The following TBC1D1 variants were observed in gnomAD, a reference collection of about 807,000 sequenced individuals.
TBC1D1 encodes TBC1 domain family member 1, also known as TBC1 (tre-2/USP6, BUB2, cdc16) domain family, member 1.
TBC1D1 carries 89 observed loss-of-function variants against 125.6 expected under a neutral mutation model. The observed-to-expected ratio is 0.71, with a 90% CI of 0.60 to 0.85. The LOEUF (loss-of-function observed/expected upper bound fraction) is 0.85, where lower values mean the gene tolerates loss of function less well. TBC1D1 is among the 40% of genes least tolerant of loss of function. The probability of loss-of-function intolerance (pLI) is 0.00; values close to 1 mark genes in which losing one functional copy is unlikely to be tolerated. For synonymous variants in TBC1D1, 565 were observed against 564.1 expected (o/e 1.00, Z -0.02); for missense variants, 1,377 against 1,469.2 (o/e 0.94, Z 1.03).
intron 2 of TBC1D1, among the ~76,000 whole-genome samples, chr4:37,948,700 C>A (rs1727236264): frequency 6.6e-6 from 1 of 152,056 alleles, no homozygotes; most frequent in Admixed American, 6.5e-5. Flanking sequence ...GGTTGTGCAA[C>A]CATCACCACA....
chr4:38,110,149 G>A (rs1232296919), intron 15 of TBC1D1: 16 of 963,752 alleles, frequency 1.7e-5, no homozygotes, highest in African/African-American at 3.5e-5. Flanking sequence ...AAACAGAGCC[G>A]AGATATCAGG....
At chr4:38,054,495 A>G (rs1358342270) in intron 12 of TBC1D1, among the ~76,000 whole-genome samples, 157 bp downstream of exon 14, 2 of 152,122 alleles carry the variant, frequency 1.3e-5, no homozygotes, top group African/African-American at 4.8e-5. Flanking sequence ...TTTAGAGGTT[A>G]CCCTCCATTT....
At chr4:38,136,112 G>A (rs576958224) in intron 19 of TBC1D1, among the ~76,000 whole-genome samples, 1 of 152,266 alleles carries the variant, frequency 6.6e-6, no homozygotes, top group East Asian at 1.9e-4. Flanking sequence ...ATACATGTTG[G>A]AGTTTCTGCA....
Position 38,009,090 on chromosome 4 carries a change from A to G in TBC1D1, c.418-5419A>G, listed in dbSNP as rs963868110. On this transcript the variant is annotated intron_variant, in intron 2 of 19. Transcript: ENST00000261439. ...TTGCATGAAATTTAAGGCATGTAAGATAGAGTGAGGAAATACTTGGTTTAA... is the reference window on the plus strand; with the variant it reads ...TTGCATGAAATTTAAGGCATGTAAGGTAGAGTGAGGAAATACTTGGTTTAA... 2.0e-5 allele frequency among the ~76,000 whole-genome samples: 3 copies of G among 152,242 alleles called. No individual in the cohort carries two copies. In the East Asian group the frequency reaches 5.8e-4, roughly 29 times the overall value.
chr4:38,096,677 AAACTGTT>A (rs887647991), intron 14 of TBC1D1, among the ~76,000 whole-genome samples: 2 of 152,246 alleles, frequency 1.3e-5, no homozygotes, highest in Admixed American at 1.3e-4. Context: ...CTGCCAGCCC[AAACTGTT>A]ACTGGTCCAA....
chr4:37,979,549 C>T (rs1733928554), intron 2 of TBC1D1, among the ~76,000 whole-genome samples: 1 of 152,186 alleles, frequency 6.6e-6, no homozygotes, highest in Non-Finnish European at 1.5e-5. Flanking sequence ...ATAATGTACA[C>T]AATGTGAATA....
Position 37,999,376 on chromosome 4 carries a change from C to T in TBC1D1, c.418-15133C>T, listed in dbSNP as rs192740930. ...GTATTTTCAAGTAAATATATTTAAT[C>T]GAAGTGAATTACTGTTACATTATGA... On this transcript the variant is annotated intron_variant, in intron 2 of 19. Coordinates refer to ENST00000261439, the MANE Select transcript of TBC1D1 (RefSeq NM_015173.4). Among the ~76,000 whole-genome samples the T allele has an allele frequency of 2.6e-5, 4 of 152,200 alleles. No individual in the cohort carries two copies. In the East Asian group the frequency reaches 7.7e-4, roughly 29 times the overall value.
intron 12 of TBC1D1, among the ~76,000 whole-genome samples, chr4:38,061,440 A>G (rs941980707): frequency 9.8e-5 from 15 of 152,312 alleles, no homozygotes; most frequent in African/African-American, 3.6e-4. Context: ...AACGGGGAAA[A>G]ATCATTTTAT....
chr4:38,056,711 G>T (rs982229141), intron 12 of TBC1D1, among the ~76,000 whole-genome samples: 1 of 152,314 alleles, frequency 6.6e-6, no homozygotes, highest in East Asian at 1.9e-4. Context: ...GGGAGACTGA[G>T]GCAGGAGGAT....
chr4:37,913,930 G>A (rs2152258409), intron 2 of TBC1D1, among the ~76,000 whole-genome samples: 1 of 152,062 alleles, frequency 6.6e-6, no homozygotes, highest in Admixed American at 6.6e-5. Context: ...CTTCTCAGTA[G>A]CTTTTGTCAT....
chr4:37,953,008 G>A (rs965200490), intron 2 of TBC1D1, among the ~76,000 whole-genome samples: 2 of 152,200 alleles, frequency 1.3e-5, no homozygotes, highest in South Asian at 2.1e-4. Flanking sequence ...GATTGATGAC[G>A]TGGTTTTGGA....
chr4:38,013,080 A>G (rs920770850), intron 2 of TBC1D1, among the ~76,000 whole-genome samples: 10 of 152,220 alleles, frequency 6.6e-5, no homozygotes, highest in African/African-American at 2.4e-4. Flanking sequence ...GGCATGAGCC[A>G]CTGCGCCTGG....
intron 2 of TBC1D1, among the ~76,000 whole-genome samples, chr4:37,913,016 C>T (rs59149800): frequency 2.8e-4 from 42 of 152,162 alleles, no homozygotes; most frequent in Non-Finnish European, 5.4e-4. Context: ...ATGAGGGAAA[C>T]TAGTTAGGAG....
chr4:38,135,080 A>G (rs771623474), intron 19 of TBC1D1, among the ~76,000 whole-genome samples: 1 of 152,198 alleles, frequency 6.6e-6, no homozygotes, highest in Non-Finnish European at 1.5e-5. Context: ...TCTCATATGT[A>G]AGAATCATGC....
At chr4:38,021,380 C>A (rs1367799260) in intron 5 of TBC1D1, among the ~76,000 whole-genome samples, 1 of 152,206 alleles carries the variant, frequency 6.6e-6, no homozygotes, top group Non-Finnish European at 1.5e-5. Context: ...ATTTACCTTA[C>A]CTGCTTTAAG....
At chr4:37,905,672 C>T (rs1005940040) in intron 2 of TBC1D1, among the ~76,000 whole-genome samples, 5 of 152,214 alleles carry the variant, frequency 3.3e-5, no homozygotes, top group Admixed American at 3.3e-4. Context: ...CTTTGGCCCT[C>T]CAGAAAGTCA....
intron 12 of TBC1D1, among the ~76,000 whole-genome samples, chr4:38,076,163 G>A (rs979197487): frequency 7.2e-5 from 11 of 152,170 alleles, no homozygotes; most frequent in Admixed American, 2.6e-4. Flanking sequence ...ACTTACAATC[G>A]TGGTGGAAGG....
chr4:38,112,158 G>A (rs1560814396), intron 15 of TBC1D1: 1 of 760,770 alleles, frequency 1.3e-6, no homozygotes, highest in Non-Finnish European at 1.6e-6. Context: ...GAATCTAGGT[G>A]GTGGTGGTGA....
chr4:38,101,127 G>A (rs1760244900), intron 14 of TBC1D1, among the ~76,000 whole-genome samples: 1 of 152,202 alleles, frequency 6.6e-6, no homozygotes, highest in South Asian at 2.1e-4. Context: ...GTGCATAGTG[G>A]CCTCGCAATC....
Sources: allele counts gnomAD v4.1 joint callset (sites outside exome capture counted in the v4.1 genomes callset), GRCh38; gene constraint gnomAD v4.1.1; transcripts MANE v1.5; gene names NCBI Gene and HGNC (gene_info 2026-07-23, HGNC 2026-07-21).